The following IL21R variants were observed in gnomAD, a reference collection of about 807,000 sequenced individuals.
IL21R encodes interleukin 21 receptor, also known as interleukin-21 receptor.
Under a neutral mutation model 41.3 loss-of-function variants are expected in IL21R, and 14 were observed. The observed-to-expected ratio is 0.34, with a 90% CI of 0.22 to 0.53. IL21R has a LOEUF of 0.53. Ranked by LOEUF, IL21R falls within the 20% of genes least tolerant of loss-of-function variation. IL21R has a pLI of 0.94. For synonymous variants in IL21R, 286 were observed against 287.6 expected, an observed-to-expected ratio of 0.99 and a Z score of 0.05; for missense variants, 588 against 681.6, an observed-to-expected ratio of 0.86 and a Z score of 1.53.
intron 2 of IL21R, among the ~76,000 whole-genome samples, chr16:27,431,205 T>C (rs3093396): frequency 0.014 from 2,087 of 152,300 alleles, 24 homozygotes; most frequent in Non-Finnish European, 0.024. Context: ...AAATAGCTCC[T>C]TCAGGAAACA....
At chr16:27,420,566 A>G (rs949926658) in intron 1 of IL21R, among the ~76,000 whole-genome samples, 2 of 152,220 alleles carry the variant, frequency 1.3e-5, no homozygotes, top group African/African-American at 4.8e-5. Context: ...AGTAATGTCA[A>G]TGGCCACCTT....
intron 1 of IL21R, among the ~76,000 whole-genome samples, chr16:27,424,897 C>A (rs1266356313): frequency 6.6e-6 from 1 of 152,144 alleles, no homozygotes; most frequent in Non-Finnish European, 1.5e-5. Flanking sequence ...CTCAGGGAGC[C>A]TTTACTCAAG....
At chr16:27,447,658 C>G (rs1240480342) in intron 8 of IL21R, 2 of 152,254 alleles carry the variant, frequency 1.3e-5, no homozygotes, top group African/African-American at 4.8e-5. Context: ...TTGATCCACT[C>G]CACCCATTCA....
chr16:27,448,483 C>T, intron 8 of IL21R, 51 bp from the exon 9 acceptor site: 2 of 1,514,450 alleles, frequency 1.3e-6, no homozygotes, highest in East Asian at 4.6e-5. Context: ...AAAATAAACC[C>T]TCACCTTACC....
chr16:27,437,156 T>A (rs562486032), intron 3 of IL21R, among the ~76,000 whole-genome samples: 15 of 152,310 alleles, frequency 9.8e-5, no homozygotes, highest in African/African-American at 3.6e-4. Context: ...ATCTGGTTGT[T>A]GGGACCAACA....
intron 1 of IL21R, 95 bp from the exon 2 acceptor site, chr16:27,429,961 C>G (rs1389350433): frequency 9.6e-7 from 1 of 1,045,616 alleles, no homozygotes; most frequent in Non-Finnish European, 1.4e-6. Flanking sequence ...TTCCAAGAAT[C>G]AGGGGCAAGT....
chr16:27,430,126 T>A lies in IL21R; in HGVS notation c.49+6T>A. 6.2e-7 allele frequency: 1 copy of A among 1,602,694 alleles called. No homozygotes were observed. Among genetic ancestry groups the A allele is most frequent in the Non-Finnish European group, 8.5e-7 (1 of 1,179,604 alleles). On this transcript the variant is annotated splice_donor_region_variant and intron_variant, in intron 2 of 8. Coordinates refer to ENST00000337929, the MANE Select transcript of IL21R (RefSeq NM_181078.3). Reference sequence around the variant, plus strand: ...CCTGCTGCTGCTCCAGGGAGGTAAGTGGCTGCCCCGTGGTCTGCGGGTGGG... The same window carrying A: ...CCTGCTGCTGCTCCAGGGAGGTAAGAGGCTGCCCCGTGGTCTGCGGGTGGG...
rs937794368 is a variant in IL21R at position 27,448,828 on chromosome 16, T to C, written c.1162T>C (p.Cys388Arg). 4.3e-6 allele frequency: 7 copies of C among 1,613,202 alleles called. No individual in the cohort carries two copies. The highest frequency in any genetic ancestry group is 5.9e-6 in the Non-Finnish European group (7 of 1,180,000). The change falls in exon 9 of 9, where the codon TGC (cysteine) becomes CGC (arginine). Residue 388 changes from cysteine (C) to arginine (R), a missense_variant. By Grantham distance (180) the Cys-to-Arg change is radical. Coordinates refer to ENST00000337929, the MANE Select transcript of IL21R (RefSeq NM_181078.3). Reference sequence around the variant, plus strand: ...GACTGTGCTAGATGCAGAGGGGCCATGCACCTGGCCCTGCAGCTGTGAGGA... The same window carrying C: ...GACTGTGCTAGATGCAGAGGGGCCACGCACCTGGCCCTGCAGCTGTGAGGA... ...TVTVLDAEGP[C>R]TWPCSCEDDG...
intron 1 of IL21R, among the ~76,000 whole-genome samples, chr16:27,421,956 G>A (rs1432298966): frequency 6.6e-6 from 1 of 152,046 alleles, no homozygotes; most frequent in Admixed American, 6.6e-5. Flanking sequence ...TAGGAGCAAA[G>A]CTTTCATTTC....
At chr16:27,414,937 C>A (rs1056437596) in intron 1 of IL21R, among the ~76,000 whole-genome samples, 5 of 151,978 alleles carry the variant, frequency 3.3e-5, no homozygotes, top group Admixed American at 3.3e-4. Flanking sequence ...AAGGATAAGG[C>A]GTCTGTTTGC....
In IL21R at chr16:27,449,190, C is replaced by T. The variant is rs768949550; in HGVS notation, c.1524C>T (p.Thr508=). ...GCAGCCCTGTGGAGTGTGACTTCACCAGCCCCGGGGACGAAGGACCCCCCC... is the reference window on the plus strand; with the variant it reads ...GCAGCCCTGTGGAGTGTGACTTCACTAGCCCCGGGGACGAAGGACCCCCCC... ...DCSSPVECDF[T]SPGDEGPPRS... Residue 508 remains threonine, a synonymous_variant, in exon 9 of 9, where the codon ACC becomes ACT. Transcript: ENST00000337929. The T allele has an allele frequency of 3.7e-6, 6 of 1,613,040 alleles. No homozygotes were observed. The South Asian group carries it at 6.6e-5, about 18-fold the overall frequency.
At chr16:27,429,211 G>C (rs1169265428) in intron 1 of IL21R, among the ~76,000 whole-genome samples, 2 of 150,068 alleles carry the variant, frequency 1.3e-5, no homozygotes, top group African/African-American at 4.9e-5. Context: ...GCGATAGAGT[G>C]AGACTTTGTC....
chr16:27,448,918 C>A lies in IL21R; in HGVS notation c.1252C>A (p.Leu418Ile). The A allele has an allele frequency of 6.2e-7, 1 of 1,612,514 alleles. No individual in the cohort carries two copies. The highest frequency in any genetic ancestry group is 1.3e-5 in the African/African-American group (1 of 75,036). ...LEPSPGLEDPLLDAGTTVLSC... is the reference protein window; with the variant it reads ...LEPSPGLEDPILDAGTTVLSC... ...GCCCAGCCCAGGCCTAGAGGACCCACTCTTGGATGCAGGGACCACAGTCCT... is the reference window on the plus strand; with the variant it reads ...GCCCAGCCCAGGCCTAGAGGACCCAATCTTGGATGCAGGGACCACAGTCCT... Residue 418 changes from leucine to isoleucine, a missense_variant, in exon 9 of 9, where the codon CTC becomes ATC. Coordinates refer to ENST00000337929, the MANE Select transcript of IL21R (RefSeq NM_181078.3).
chr16:27,435,378 TG>T (rs2087250269), intron 3 of IL21R, among the ~76,000 whole-genome samples: 1 of 152,122 alleles, frequency 6.6e-6, no homozygotes, highest in South Asian at 2.1e-4. Flanking sequence ...CGTACCACGG[TG>T]GGGCGGAGGC....
chr16:27,406,216 C>T lies in IL21R; in HGVS notation c.-17+3598C>T, dbSNP rs8058819. 7.8e-3 allele frequency among the ~76,000 whole-genome samples: 1,191 copies of T among 152,366 alleles called. 10 individuals carry two copies. Among genetic ancestry groups the T allele is most frequent in the African/African-American group, 0.027 (1,122 of 41,596 alleles). ...GAGAGACGGTGGGTGGCCAGCTCCGCTCCATCTCGTGGCATAGTTCAAAGC... is the reference window on the plus strand; with the variant it reads ...GAGAGACGGTGGGTGGCCAGCTCCGTTCCATCTCGTGGCATAGTTCAAAGC... On this transcript the variant is annotated intron_variant, in intron 1 of 8. Coordinates refer to ENST00000337929, the MANE Select transcript of IL21R (RefSeq NM_181078.3).
chr16:27,406,385 C>T (rs1157922968), intron 1 of IL21R, among the ~76,000 whole-genome samples: 3 of 150,900 alleles, frequency 2.0e-5, no homozygotes, highest in African/African-American at 7.3e-5. Flanking sequence ...AGAGATTGCA[C>T]AGGCAGCGGG....
In IL21R at chr16:27,449,233, T is replaced by G. The variant is rs1028711683; in HGVS notation, c.1567T>G (p.Trp523Gly). 3.0e-5 allele frequency: 49 copies of G among 1,611,642 alleles called. No homozygotes were observed. Among genetic ancestry groups the G allele is most frequent in the Non-Finnish European group, 3.8e-5 (45 of 1,179,416 alleles). The change falls in exon 9 of 9, where the codon TGG (tryptophan) becomes GGG (glycine). Residue 523 changes from tryptophan (W) to glycine (G), a missense_variant. By Grantham distance (184) the Trp-to-Gly change is radical. Coordinates refer to ENST00000337929, the MANE Select transcript of IL21R (RefSeq NM_181078.3). ...ACCCCCCCGGAGCTACCTCCGCCAGTGGGTGGTCATTCCTCCGCCACTTTC... is the reference window on the plus strand; with the variant it reads ...ACCCCCCCGGAGCTACCTCCGCCAGGGGGTGGTCATTCCTCCGCCACTTTC... ...EGPPRSYLRQ[W>G]VVIPPPLSSP...
At chr16:27,436,917 A>C (rs535946345) in intron 3 of IL21R, among the ~76,000 whole-genome samples, 1 of 152,172 alleles carries the variant, frequency 6.6e-6, no homozygotes, top group Non-Finnish European at 1.5e-5. Context: ...TACAAAAAAT[A>C]CAAAAAGTTA....
At chr16:27,418,483 C>G (rs1437726973) in intron 1 of IL21R, among the ~76,000 whole-genome samples, 1 of 152,214 alleles carries the variant, frequency 6.6e-6, no homozygotes. Context: ...ATTCTCCTGT[C>G]TCAGCCTCCA....
Sources: gnomAD v4.1 joint callset for allele counts (sites outside exome capture counted in the v4.1 genomes callset) on GRCh38, gnomAD v4.1.1 for gene constraint, MANE v1.5 for transcripts, NCBI Gene and HGNC (gene_info 2026-07-23, HGNC 2026-07-21) for gene names.